MAST2: variants seen among roughly 807,000 people sequenced by gnomAD.
MAST2 encodes the protein microtubule associated serine/threonine kinase 2.
In MAST2, 70 loss-of-function variants were observed where a neutral mutation model predicts 147.4. That is an observed-to-expected ratio of 0.47 (90% CI 0.39 to 0.58). MAST2 has a LOEUF of 0.58. MAST2 is among the 20% of genes least tolerant of loss of function. The pLI, the probability that MAST2 is intolerant of heterozygous loss-of-function variation, is 0.00. For synonymous variants in MAST2, 869 were observed against 896.8 expected (o/e 0.97, Z 0.55); for missense variants, 2,080 against 2,302.3 (o/e 0.90, Z 1.98).
intron 20 of MAST2, 39 bp from the exon 21 acceptor site, chr1:46,030,090 C>G (rs1230517695): frequency 6.2e-7 from 1 of 1,608,448 alleles, no homozygotes. Flanking sequence ...AGGCCACCAG[C>G]AGGGCTCTGA....
chr1:45,922,583 C>A (rs558812048), intron 4 of MAST2, among the ~76,000 whole-genome samples: 1 of 152,294 alleles, frequency 6.6e-6, no homozygotes, highest in African/African-American at 2.4e-5. Context: ...AACTTTGCTC[C>A]GAGGTTGGAG....
chr1:45,889,901 G>A (rs189116820), intron 4 of MAST2, among the ~76,000 whole-genome samples: 58 of 152,062 alleles, frequency 3.8e-4, no homozygotes, highest in Admixed American at 2.6e-3. Flanking sequence ...CTACAGGTGC[G>A]CTCCACCACG....
chr1:46,030,963 G>A lies in MAST2; in HGVS notation c.2709-44G>A. The A allele has an allele frequency of 2.5e-6, 4 of 1,592,736 alleles. No individual in the cohort carries two copies. The South Asian group carries it at 4.5e-5, about 18-fold the overall frequency. ...CCCCTAAGGAGACCTGGCAGGAGGA[G>A]GGGGACCACCTGGGTCACTCACCCC... On this transcript the variant is annotated intron_variant, in intron 22 of 28. Transcript: ENST00000361297.
intron 18 of MAST2, 147 bp downstream of exon 18, chr1:46,029,080 CTG>C (rs564638971): frequency 1.4e-3 from 1,222 of 883,190 alleles, no homozygotes; most frequent in Non-Finnish European, 1.9e-3. Flanking sequence ...ATGGGTGTCT[CTG>C]TGTTTCTGCA....
chr1:45,818,821 C>G (rs974380837), intron 1 of MAST2, among the ~76,000 whole-genome samples: 1 of 152,110 alleles, frequency 6.6e-6, no homozygotes, highest in African/African-American at 2.4e-5. Flanking sequence ...TGAACTTATT[C>G]AAAAATTGCT....
At position 46,032,577 on chromosome 1, in the gene MAST2, T is replaced by A; in HGVS notation, c.3415-19T>A. 5.6e-6 allele frequency: 9 copies of A among 1,613,150 alleles called. No individual in the cohort carries two copies. Among genetic ancestry groups the A allele is most frequent in the Non-Finnish European group, 7.6e-6 (9 of 1,179,454 alleles). ...CGTGTTCAGGCTCCAGTCTGAGTAC[T>A]GTTCTCTTCCTGGCACAGCACGTGG... On this transcript the variant is annotated intron_variant, in intron 25 of 28. Coordinates refer to ENST00000361297, the MANE Select transcript of MAST2 (RefSeq NM_015112.3).
At chr1:45,830,153 G>C (rs78145344) in intron 3 of MAST2, among the ~76,000 whole-genome samples, 1 of 149,510 alleles carries the variant, frequency 6.7e-6, no homozygotes, top group Non-Finnish European at 1.5e-5. Flanking sequence ...CACCACTCCC[G>C]GCCTTAAGAA....
rs771828003 is a variant in MAST2 at position 45,994,840 on chromosome 1, A to AT, written c.593-2868dup. Among the ~76,000 whole-genome samples the AT allele has an allele frequency of 7.0e-3, 974 of 139,308 alleles. 5 individuals are homozygous for AT. Among genetic ancestry groups the AT allele is most frequent in the East Asian group, 0.024 (112 of 4,736 alleles). The allele number at this position is 139,308 out of a possible 152,430, so 91.4% of individuals were successfully genotyped here. On this transcript the variant is annotated intron_variant, in intron 5 of 28. Transcript: ENST00000361297. ...CAGGAGAATAGCCATATCTTCCATAATTTTTTTTTTTTTTTTGAGACAGAG... is the reference window on the plus strand; with the variant it reads ...CAGGAGAATAGCCATATCTTCCATAATTTTTTTTTTTTTTTTTGAGACAGAG...
chr1:45,880,766 A>T (rs1646808808), intron 3 of MAST2, among the ~76,000 whole-genome samples: 1 of 152,104 alleles, frequency 6.6e-6, no homozygotes. Context: ...GGATCACTTG[A>T]GGTCAGGAGT....
intron 3 of MAST2, among the ~76,000 whole-genome samples, chr1:45,831,063 C>T (rs916482788): frequency 9.5e-5 from 14 of 147,572 alleles, no homozygotes; most frequent in Non-Finnish European, 2.1e-4. Context: ...TTTTGTTTGT[C>T]TAGGCTTTGT....
chr1:45,965,742 A>T (rs1661097069), intron 5 of MAST2, among the ~76,000 whole-genome samples: 1 of 151,936 alleles, frequency 6.6e-6, no homozygotes, highest in Admixed American at 6.6e-5. Context: ...ATTATTTCTT[A>T]GAGTAGTTTT....
chr1:45,805,072 C>T lies in MAST2; in HGVS notation c.177+1000C>T, dbSNP rs563861887. 1.8e-4 allele frequency among the ~76,000 whole-genome samples: 21 copies of T among 116,448 alleles called. No homozygotes were observed. The East Asian group carries it at 4.3e-3, about 24-fold the overall frequency. 76.4% of individuals were successfully genotyped at this position (116,448 alleles called of 152,430 possible). On this transcript the variant is annotated intron_variant, in intron 1 of 28. Coordinates refer to ENST00000361297, the MANE Select transcript of MAST2 (RefSeq NM_015112.3). ...TAGACATTTTTTTTTTTTTTTGAGA[C>T]GAAGTCTCGCTCTGTCGCCCAGGGG...
intron 1 of MAST2, among the ~76,000 whole-genome samples, chr1:45,807,400 T>C (rs1644172896): frequency 6.6e-6 from 1 of 152,166 alleles, no homozygotes; most frequent in Admixed American, 6.6e-5. Context: ...GCAGTCCTCT[T>C]TATTTATGGC....
At chr1:45,990,709 C>A (rs1005097153) in intron 5 of MAST2, among the ~76,000 whole-genome samples, 7 of 152,136 alleles carry the variant, frequency 4.6e-5, no homozygotes, top group African/African-American at 1.7e-4. Context: ...TGATCTTGAA[C>A]TCCTGGGCTC....
At chr1:46,024,862 TAAAG>T (rs1259208746) in intron 15 of MAST2, among the ~76,000 whole-genome samples, 1 of 152,184 alleles carries the variant, frequency 6.6e-6, no homozygotes, top group Non-Finnish European at 1.5e-5. Flanking sequence ...ATGCTGCTAA[TAAAG>T]GCATACCAGA....
chr1:45,835,358 A>T (rs1645073823), intron 3 of MAST2, among the ~76,000 whole-genome samples: 1 of 152,186 alleles, frequency 6.6e-6, no homozygotes, highest in Non-Finnish European at 1.5e-5. Context: ...TTCGTTAGAA[A>T]ACAATTCTAC....
chr1:45,976,038 A>C (rs1287565877), intron 5 of MAST2, among the ~76,000 whole-genome samples: 1 of 151,328 alleles, frequency 6.6e-6, no homozygotes, highest in East Asian at 1.9e-4. Flanking sequence ...GCAGTGGTGC[A>C]ATTTCGGCTC....
At chr1:45,834,387 T>C (rs1246306849) in intron 3 of MAST2, among the ~76,000 whole-genome samples, 1 of 152,126 alleles carries the variant, frequency 6.6e-6, no homozygotes, top group Non-Finnish European at 1.5e-5. Flanking sequence ...TGAGGCCATC[T>C]AGATGATGTT....
At chr1:46,010,406 A>G (rs1033644833) in intron 9 of MAST2, among the ~76,000 whole-genome samples, 10 of 152,198 alleles carry the variant, frequency 6.6e-5, no homozygotes, top group Admixed American at 2.0e-4. Context: ...GCATAAACAG[A>G]CAGGCATGAA....
Sources: gnomAD v4.1 joint callset for allele counts (sites outside exome capture counted in the v4.1 genomes callset) on GRCh38, gnomAD v4.1.1 for gene constraint, MANE v1.5 for transcripts, NCBI Gene and HGNC (gene_info 2026-07-23, HGNC 2026-07-21) for gene names.